TRDN: variants seen among roughly 807,000 people sequenced by gnomAD.
TRDN encodes the protein triadin.
A neutral mutation model predicts 149.7 loss-of-function variants in TRDN; 161 were observed. That is an observed-to-expected ratio of 1.08 (90% CI 0.95 to 1.23). The LOEUF (loss-of-function observed/expected upper bound fraction) is 1.23, where lower values mean the gene tolerates loss of function less well. TRDN is among the 50% of genes most tolerant of loss of function. The pLI is 0.00. For synonymous variants in TRDN, 294 were observed against 250.5 expected, an observed-to-expected ratio of 1.17 and a Z score of -1.64; for missense variants, 896 against 823.5, an observed-to-expected ratio of 1.09 and a Z score of -1.08.
intron 38 of TRDN, among the ~76,000 whole-genome samples, chr6:123,235,730 T>C (rs1775762395): frequency 6.6e-6 from 1 of 152,130 alleles, no homozygotes; most frequent in Admixed American, 6.6e-5. Context: ...ACACTCCCCC[T>C]CTGTCCCTAA....
At chr6:123,377,095 GAT>G (rs1254449867) in intron 18 of TRDN, among the ~76,000 whole-genome samples, 2 of 152,134 alleles carry the variant, frequency 1.3e-5, no homozygotes, top group African/African-American at 4.8e-5. Context: ...AGTTTTTGTT[GAT>G]AGGTTTATTT....
intron 24 of TRDN, among the ~76,000 whole-genome samples, chr6:123,308,132 A>G: frequency 6.6e-6 from 1 of 151,994 alleles, no homozygotes; most frequent in South Asian, 2.1e-4. Flanking sequence ...CTGTTCCTGC[A>G]CTGATTCACT....
At chr6:123,375,493 C>A in intron 19 of TRDN, 112 bp downstream of exon 19, 1 of 847,976 alleles carries the variant, frequency 1.2e-6, no homozygotes, top group Non-Finnish European at 1.8e-6. Context: ...ATAATCATAC[C>A]AAAAAGCTGG....
At chr6:123,349,115 TAGAA>T (rs1780359575) in intron 21 of TRDN, among the ~76,000 whole-genome samples, 1 of 151,976 alleles carries the variant, frequency 6.6e-6, no homozygotes, top group South Asian at 2.1e-4. Flanking sequence ...AAGAAAGAGT[TAGAA>T]AAGAAGGGAC....
chr6:123,371,079 A>T (rs547559456), intron 19 of TRDN, among the ~76,000 whole-genome samples: 27 of 152,118 alleles, frequency 1.8e-4, no homozygotes, highest in Non-Finnish European at 2.9e-4. Flanking sequence ...ATAAAATGTC[A>T]GCTATTAAAT....
At chr6:123,257,185 G>C (rs948230414) in intron 35 of TRDN, among the ~76,000 whole-genome samples, 1 of 151,792 alleles carries the variant, frequency 6.6e-6, no homozygotes, top group Non-Finnish European at 1.5e-5. Flanking sequence ...TCACCATGTT[G>C]GCCAGGGTGG....
intron 37 of TRDN, among the ~76,000 whole-genome samples, chr6:123,253,902 T>A (rs953432489): frequency 1.5e-4 from 23 of 152,138 alleles, no homozygotes; most frequent in Non-Finnish European, 3.2e-4. Flanking sequence ...CTTTCTCTTG[T>A]ATTTGCAGCA....
At chr6:123,360,628 G>A (rs1476763652) in intron 20 of TRDN, among the ~76,000 whole-genome samples, 1 of 151,966 alleles carries the variant, frequency 6.6e-6, no homozygotes, top group Non-Finnish European at 1.5e-5. Flanking sequence ...GAAGGCCAGA[G>A]GCAGTGCTAG....
chr6:123,531,786 G>A (rs2114345579), intron 4 of TRDN, among the ~76,000 whole-genome samples: 1 of 152,034 alleles, frequency 6.6e-6, no homozygotes, highest in South Asian at 2.1e-4. Flanking sequence ...TTCTTCTCTA[G>A]TCTCCAAATT....
intron 34 of TRDN, among the ~76,000 whole-genome samples, chr6:123,259,901 CCTT>C (rs973230597): frequency 6.6e-6 from 1 of 151,658 alleles, no homozygotes; most frequent in Non-Finnish European, 1.5e-5. Flanking sequence ...TACTCCTCTT[CCTT>C]CTTCTTTTCC....
intron 6 of TRDN, among the ~76,000 whole-genome samples, chr6:123,514,674 G>A (rs1779340497): frequency 6.8e-6 from 1 of 147,314 alleles, no homozygotes. Context: ...ATATCATTAG[G>A]AGAAATGGGC....
At chr6:123,534,807 G>A (rs1170936235) in intron 4 of TRDN, among the ~76,000 whole-genome samples, 1 of 152,124 alleles carries the variant, frequency 6.6e-6, no homozygotes, top group Non-Finnish European at 1.5e-5. Context: ...ATGAAATAAT[G>A]TATAATAGCA....
At chr6:123,593,424 G>C (rs1783885878) in intron 1 of TRDN, among the ~76,000 whole-genome samples, 1 of 152,192 alleles carries the variant, frequency 6.6e-6, no homozygotes, top group East Asian at 1.9e-4. Context: ...TGCTATGTTA[G>C]TTTGCTAGGG....
At chr6:123,449,581 C>A (rs541908276) in intron 10 of TRDN, among the ~76,000 whole-genome samples, 20 of 151,966 alleles carry the variant, frequency 1.3e-4, no homozygotes, top group Non-Finnish European at 2.4e-4. Context: ...GTTAAATGAC[C>A]AAATCTAAGA....
chr6:123,413,809 T>C (rs1368264287), intron 12 of TRDN, among the ~76,000 whole-genome samples: 1 of 152,130 alleles, frequency 6.6e-6, no homozygotes, highest in Non-Finnish European at 1.5e-5. Context: ...ATAGGCTTCT[T>C]ACAGATAAAG....
intron 5 of TRDN, among the ~76,000 whole-genome samples, chr6:123,527,198 T>C (rs1004235614): frequency 1.3e-5 from 2 of 152,076 alleles, no homozygotes; most frequent in East Asian, 3.9e-4. Context: ...AGTTTATTTA[T>C]TAATTAGAAT....
At chr6:123,433,162 A>ATATAC (rs796874348) in intron 12 of TRDN, among the ~76,000 whole-genome samples, 3 of 80,034 alleles carry the variant, frequency 3.7e-5, no homozygotes, top group African/African-American at 1.4e-4. Context: ...ATATATATAT[A>ATATAC]ATATATATAT....
At chr6:123,527,580 C>G (rs796923994) in intron 5 of TRDN, among the ~76,000 whole-genome samples, 14 of 152,018 alleles carry the variant, frequency 9.2e-5, no homozygotes, top group African/African-American at 2.9e-4. Flanking sequence ...CTGCTTGGTA[C>G]TCAAAACTAC....
intron 20 of TRDN, among the ~76,000 whole-genome samples, chr6:123,358,185 T>C (rs1205347756): frequency 6.6e-6 from 1 of 151,858 alleles, no homozygotes; most frequent in Non-Finnish European, 1.5e-5. Flanking sequence ...AAGCGTATTT[T>C]AGAAAAAAAA....
Sources: gnomAD v4.1 joint callset for allele counts (sites outside exome capture counted in the v4.1 genomes callset) on GRCh38, gnomAD v4.1.1 for gene constraint, MANE v1.5 for transcripts, NCBI Gene and HGNC (gene_info 2026-07-23, HGNC 2026-07-21) for gene names.